The following ZNF322 variants were observed in gnomAD, a reference collection of about 807,000 sequenced individuals.
ZNF322 encodes the protein HLA complex group 12.
In ZNF322, 1 loss-of-function variant was observed where a neutral mutation model predicts 18.3. That is an observed-to-expected ratio of 0.05 (90% CI 0.02 to 0.26). ZNF322 has a LOEUF of 0.26. Among genes scored for constraint, ZNF322 ranks in the 10% least tolerant of loss-of-function variants. ZNF322 has a pLI of 1.00. For synonymous variants in ZNF322, 17 were observed against 130.7 expected, an observed-to-expected ratio of 0.13 and a Z score of 5.93; for missense variants, 36 against 403.6, an observed-to-expected ratio of 0.09 and a Z score of 7.80.
In ZNF322 at chr6:26,638,744, G is replaced by A. The variant is rs1226462825; in HGVS notation, c.-175-16C>T. The A allele has an allele frequency of 9.6e-6, 9 of 934,016 alleles. No individual in the cohort carries two copies. The highest frequency in any genetic ancestry group is 1.4e-5 in the Non-Finnish European group (9 of 642,298). 57.9% of individuals were successfully genotyped at this position (934,016 alleles called of 1,614,324 possible). On this transcript the variant is annotated splice_polypyrimidine_tract_variant and intron_variant, in intron 3 of 3. Coordinates refer to ENST00000415922, the MANE Select transcript of ZNF322 (RefSeq NM_024639.5). ...ATTTCCAACCCTGTGAGACAAAGTA[G>A]AAATATTATTTATATTCCTATGACT... is the stretch of plus-strand genomic sequence containing the variant.
chr6:26,643,808 C>T (rs1157981986), intron 2 of ZNF322, 80 bp from the exon 3 acceptor site: 2 of 152,414 alleles, frequency 1.3e-5, no homozygotes, highest in Non-Finnish European at 2.9e-5. Context: ...AAGGATTTAA[C>T]AATGGGTAAA....
At chr6:26,643,257 A>G (rs1425659144) in intron 3 of ZNF322, among the ~76,000 whole-genome samples, 1 of 152,138 alleles carries the variant, frequency 6.6e-6, no homozygotes, top group Non-Finnish European at 1.5e-5. Context: ...ATTTTTTCAG[A>G]TGTCAATTCT....
intron 1 of ZNF322, chr6:26,658,923 GTT>G (rs1162162614): frequency 4.6e-5 from 7 of 152,110 alleles, no homozygotes; most frequent in African/African-American, 1.7e-4. Context: ...CTCGTTTTTC[GTT>G]TGTTTTTTCT....
intron 2 of ZNF322, among the ~76,000 whole-genome samples, chr6:26,645,436 C>A (rs1212614114): frequency 2.0e-5 from 3 of 151,710 alleles, no homozygotes; most frequent in Non-Finnish European, 2.9e-5. Flanking sequence ...AAAACCCACT[C>A]TAAGTACAAA....
intron 2 of ZNF322, among the ~76,000 whole-genome samples, chr6:26,657,321 CAA>C (rs1166675659): frequency 2.0e-5 from 3 of 151,964 alleles, no homozygotes; most frequent in Non-Finnish European, 4.4e-5. Context: ...GAATAAAATC[CAA>C]AGTTTTTACT....
chr6:26,658,631 T>A lies in ZNF322; in HGVS notation c.-319A>T, dbSNP rs1765823953. The A allele has an allele frequency of 6.0e-6, 1 of 166,674 alleles. No homozygotes were observed. The highest frequency in any genetic ancestry group is 6.5e-5 in the Admixed American group (1 of 15,276). 10.3% of individuals were successfully genotyped at this position (166,674 alleles called of 1,614,324 possible). ...TCTAGTTCAGAACTATTCACAACAC[T>A]CAATTCTTGCCTCTCCTAGAGGAAA... On this transcript the variant is annotated 5_prime_UTR_variant, in exon 2 of 4. Transcript: ENST00000415922.
intron 2 of ZNF322, among the ~76,000 whole-genome samples, chr6:26,647,381 A>G (rs1384008758): frequency 3.3e-5 from 5 of 152,198 alleles, no homozygotes; most frequent in African/African-American, 1.2e-4. Context: ...AATCAAAATC[A>G]TACTTATTTT....
At chr6:26,641,808 A>G (rs1765471155) in intron 3 of ZNF322, among the ~76,000 whole-genome samples, 2 of 152,200 alleles carry the variant, frequency 1.3e-5, no homozygotes, top group South Asian at 4.1e-4. Context: ...CCTCTGCCCA[A>G]GAAAGCCTGG....
intron 2 of ZNF322, among the ~76,000 whole-genome samples, chr6:26,652,994 AT>A (rs1765700457): frequency 6.6e-6 from 1 of 152,164 alleles, no homozygotes; most frequent in Non-Finnish European, 1.5e-5. Context: ...AAATGAAATA[AT>A]TTTTTAAATG....
chr6:26,641,935 G>C (rs750127473), intron 3 of ZNF322, among the ~76,000 whole-genome samples: 3 of 152,056 alleles, frequency 2.0e-5, no homozygotes, highest in Non-Finnish European at 4.4e-5. Context: ...AGGAGGATTA[G>C]TGAAAGAAGA....
At chr6:26,643,485 AG>A (rs1421085137) in intron 3 of ZNF322, among the ~76,000 whole-genome samples, 173 bp downstream of exon 3, 1 of 152,226 alleles carries the variant, frequency 6.6e-6, no homozygotes, top group Admixed American at 6.5e-5. Context: ...CCAGGTACAA[AG>A]TTGGTGCTTA....
At chr6:26,655,075 T>C (rs957351913) in intron 2 of ZNF322, among the ~76,000 whole-genome samples, 1 of 152,126 alleles carries the variant, frequency 6.6e-6, no homozygotes, top group Non-Finnish European at 1.5e-5. Context: ...TGAGGGAAAC[T>C]ACCAAATAAA....
chr6:26,649,637 ATG>A (rs58521273), intron 2 of ZNF322, among the ~76,000 whole-genome samples: 4,388 of 67,412 alleles, frequency 0.065, 279 homozygotes, highest in Non-Finnish European at 0.078. Flanking sequence ...ATACATACAT[ATG>A]TGTGTGTGTG....
chr6:26,641,675 T>C (rs1765468438), intron 3 of ZNF322, among the ~76,000 whole-genome samples: 1 of 152,218 alleles, frequency 6.6e-6, no homozygotes, highest in Non-Finnish European at 1.5e-5. Context: ...TTAATGGATT[T>C]AGGGCTGTGC....
chr6:26,655,718 A>G (rs1400436810), intron 2 of ZNF322, among the ~76,000 whole-genome samples: 3 of 152,196 alleles, frequency 2.0e-5, no homozygotes, highest in Admixed American at 2.0e-4. Flanking sequence ...TAACAGGGGC[A>G]CCACCCTCAT....
At chr6:26,647,877 C>CTTT (rs34835436) in intron 2 of ZNF322, among the ~76,000 whole-genome samples, 1 of 142,720 alleles carries the variant, frequency 7.0e-6, no homozygotes, top group East Asian at 2.0e-4. Flanking sequence ...TCCAATATCG[C>CTTT]TTTTTTTTTT....
intron 3 of ZNF322, among the ~76,000 whole-genome samples, chr6:26,641,320 T>C (rs1358810418): frequency 1.3e-5 from 2 of 151,924 alleles, no homozygotes; most frequent in Non-Finnish European, 2.9e-5. Flanking sequence ...TTCTTCAGAG[T>C]CAAAACACAG....
intron 2 of ZNF322, among the ~76,000 whole-genome samples, chr6:26,652,168 T>C (rs1353776793): frequency 3.3e-5 from 5 of 152,148 alleles, no homozygotes; most frequent in African/African-American, 9.7e-5. Context: ...AACAAAGGTA[T>C]GATCCATGGA....
intron 2 of ZNF322, among the ~76,000 whole-genome samples, chr6:26,658,137 T>C (rs782033405): frequency 7.2e-5 from 11 of 152,124 alleles, no homozygotes; most frequent in African/African-American, 2.2e-4. Flanking sequence ...AAGGACCCTA[T>C]GAAATAGGTA....
Sources: gnomAD v4.1 joint callset for allele counts (sites outside exome capture counted in the v4.1 genomes callset) on GRCh38, gnomAD v4.1.1 for gene constraint, MANE v1.5 for transcripts, NCBI Gene and HGNC (gene_info 2026-07-23, HGNC 2026-07-21) for gene names.